The following DNAH10 variants were observed in gnomAD, a reference collection of about 807,000 sequenced individuals.
The protein encoded by DNAH10 is dynein axonemal heavy chain 10.
DNAH10 carries 348 observed loss-of-function variants against 506.6 expected under a neutral mutation model. The ratio of observed to expected loss-of-function variants is 0.69; its 90% CI spans 0.63 to 0.75. The LOEUF (loss-of-function observed/expected upper bound fraction) is 0.75, where lower values mean the gene tolerates loss of function less well. Ranked by LOEUF, DNAH10 falls within the 30% of genes least tolerant of loss-of-function variation. The pLI, the probability that DNAH10 is intolerant of heterozygous loss-of-function variation, is 0.00. For synonymous variants in DNAH10, 2,059 were observed against 2,198.6 expected (o/e 0.94, Z 1.78); for missense variants, 5,179 against 5,787.1 (o/e 0.89, Z 3.41).
Position 123,837,762 on chromosome 12 carries a change from T to A in DNAH10, c.4903-694T>A, listed in dbSNP as rs1046648957. 1.1e-4 allele frequency among the ~76,000 whole-genome samples: 16 copies of A among 150,946 alleles called. No individual in the cohort carries two copies. In the South Asian group the frequency reaches 3.3e-3, roughly 32 times the overall value. On this transcript the variant is annotated intron_variant, in intron 28 of 78. Transcript: ENST00000673944. ...GCTAACTTAAAAAAAAAAAAATTTT[T>A]TTTTTTTTTTTTTAGTAGAGATGGA...
intron 65 of DNAH10, among the ~76,000 whole-genome samples, chr12:123,920,475 A>G (rs1954675796): frequency 6.6e-5 from 10 of 152,230 alleles, no homozygotes; most frequent in Admixed American, 6.5e-4. Flanking sequence ...CTGTGTTCCA[A>G]TAAAACTTTT....
intron 36 of DNAH10, among the ~76,000 whole-genome samples, chr12:123,855,029 CT>C (rs564894480): frequency 3.2e-4 from 48 of 152,340 alleles, no homozygotes; most frequent in African/African-American, 1.2e-3. Context: ...CAGGCTTCAG[CT>C]TGCAACATGA....
chr12:123,839,595 A>G (rs1404408546), intron 29 of DNAH10, among the ~76,000 whole-genome samples: 1 of 151,848 alleles, frequency 6.6e-6, no homozygotes, highest in African/African-American at 2.4e-5. Context: ...TTTTTTTTGT[A>G]AAGTTGTACA....
At chr12:123,782,560 C>T (rs1957705086) in intron 6 of DNAH10, among the ~76,000 whole-genome samples, 5 of 151,630 alleles carry the variant, frequency 3.3e-5, no homozygotes. Flanking sequence ...TATAGGCACA[C>T]ACCACCATGC....
intron 76 of DNAH10, among the ~76,000 whole-genome samples, chr12:123,932,428 C>T (rs1038618930): frequency 6.6e-6 from 1 of 151,688 alleles, no homozygotes; most frequent in Non-Finnish European, 1.5e-5. Context: ...TATCCTTTCT[C>T]CTCCTTCTGT....
chr12:123,824,640 G>A (rs376727448), intron 24 of DNAH10, among the ~76,000 whole-genome samples: 4 of 152,146 alleles, frequency 2.6e-5, no homozygotes, highest in Admixed American at 2.6e-4. Flanking sequence ...CGATCACTCT[G>A]GAGGCTGCAG....
At position 123,762,514 on chromosome 12, in the gene DNAH10, C is replaced by A; in HGVS notation, c.178C>A (p.Arg60Ser). 1 of 1,547,542 alleles carries A rather than the reference C, an allele frequency of 6.5e-7. No individual in the cohort carries two copies. Among genetic ancestry groups the A allele is most frequent in the Non-Finnish European group, 8.7e-7 (1 of 1,146,042 alleles). The change falls in exon 1 of 79, where the codon CGC (arginine) becomes AGC (serine). Residue 60 changes from arginine (R) to serine (S), a missense_variant. By Grantham distance (110) the Arg-to-Ser change is moderately radical (BLOSUM62 -1). This residue lies in a region of DNAH10 where 326 missense variants were observed against 330.8 expected (regional missense o/e 0.99). Transcript: ENST00000673944. This position sits in a 1 kb window ranked among gnomAD's most constrained non-coding sequence, Gnocchi z 5.0. The part of the protein sequence containing the change: ...EEGPSALFIY[R>S]TMVPEEVEVE... ...GGGGCCCTCGGCGCTCTTCATCTAC[C>A]GCACTATGGTGCCGGAGGAGGTGGA...
chr12:123,895,265 TGAATA>T (rs1953168099), intron 54 of DNAH10, among the ~76,000 whole-genome samples: 2 of 152,362 alleles, frequency 1.3e-5, no homozygotes, highest in South Asian at 4.1e-4. Context: ...TTTTAATGTT[TGAATA>T]AGAAAGGAAG....
At chr12:123,845,146 T>C (rs1485087794) in intron 30 of DNAH10, among the ~76,000 whole-genome samples, 1 of 151,930 alleles carries the variant, frequency 6.6e-6, no homozygotes, top group Non-Finnish European at 1.5e-5. Context: ...CAGGCATGCG[T>C]CATTATGCCT....
intron 52 of DNAH10, among the ~76,000 whole-genome samples, chr12:123,892,614 C>T (rs1208117541): frequency 6.6e-6 from 1 of 152,238 alleles, no homozygotes; most frequent in East Asian, 1.9e-4. Context: ...CAGAGGTGAG[C>T]AGCCGTGGCC....
chr12:123,917,659 G>T lies in DNAH10; in HGVS notation c.11078G>T (p.Arg3693Leu). Residue 3693 changes from arginine (R) to leucine (L), a missense_variant, in exon 64 of 79, where the codon CGG becomes CTG. Transcript: ENST00000673944. This position sits in a 1 kb window ranked among gnomAD's most constrained non-coding sequence, Gnocchi z 5.6. ...AYERRELEEQ[R>L]EHLIQETSEN... Reference sequence around the variant, plus strand: ...GAGAGGCGGGAGCTGGAGGAGCAGCGGGAGCACCTCATCCAGGAGACCAGC... The same window carrying T: ...GAGAGGCGGGAGCTGGAGGAGCAGCTGGAGCACCTCATCCAGGAGACCAGC... 1 of 1,551,830 alleles carries T rather than the reference G, an allele frequency of 6.4e-7. No homozygotes were observed. The highest frequency in any genetic ancestry group is 8.7e-7 in the Non-Finnish European group (1 of 1,147,168).
chr12:123,817,495 G>A lies in DNAH10; in HGVS notation c.3781-1455G>A, dbSNP rs1249646187. On this transcript the variant is annotated intron_variant, in intron 21 of 78. Transcript: ENST00000673944. ...CGGTTCCTTAAACAATCCTTTGAGT[G>A]CTTGATTTCAGGTATTGTCATTATC... 2.0e-5 allele frequency among the ~76,000 whole-genome samples: 3 copies of A among 152,098 alleles called. No homozygotes were observed. The East Asian group carries it at 5.8e-4, about 29-fold the overall frequency.
chr12:123,900,743 A>C (rs1037055855), intron 56 of DNAH10, among the ~76,000 whole-genome samples: 1 of 152,210 alleles, frequency 6.6e-6, no homozygotes, highest in South Asian at 2.1e-4. Flanking sequence ...ATTCAAATGT[A>C]TCAGTGGGAA....
At chr12:123,803,992 G>A (rs1037197047) in intron 17 of DNAH10, among the ~76,000 whole-genome samples, 167 bp downstream of exon 17, 11 of 152,062 alleles carry the variant, frequency 7.2e-5, no homozygotes, top group Non-Finnish European at 1.0e-4. Context: ...AAAGAATCAC[G>A]GGTAGCTATT....
chr12:123,932,163 C>T, intron 76 of DNAH10, 55 bp downstream of exon 76: 1 of 1,597,518 alleles, frequency 6.3e-7, no homozygotes. Context: ...GCCTAGACTC[C>T]TCAAACCACC....
chr12:123,781,130 G>A lies in DNAH10; in HGVS notation c.672G>A (p.Val224=), dbSNP rs1957632585. 3 of 1,613,942 alleles carry A rather than the reference G, an allele frequency of 1.9e-6. No homozygotes were observed. The highest frequency in any genetic ancestry group is 2.5e-6 in the Non-Finnish European group (3 of 1,179,936). Residue 224 remains valine, a synonymous_variant, in exon 6 of 79, where the codon GTG becomes GTA. Transcript: ENST00000673944. ...ATCAGCACAGGACGAGTACAACCGT[G>A]GGAGTCACATCTGGAGAAGTCTCTA... ...SFNQHRTSTT[V]GVTSGEVSNS...
At chr12:123,896,746 A>G (rs11057388) in intron 54 of DNAH10, among the ~76,000 whole-genome samples, 47,275 of 150,376 alleles carry the variant, frequency 0.31, 8,652 homozygotes, top group African/African-American at 0.52. Context: ...AAGAAGGATT[A>G]GCACGGATCA....
At chr12:123,814,979 A>G (rs995530828) in intron 21 of DNAH10, among the ~76,000 whole-genome samples, 1 of 152,198 alleles carries the variant, frequency 6.6e-6, no homozygotes, top group Non-Finnish European at 1.5e-5. Context: ...TAATAGAAGA[A>G]TCACTGTAAC....
intron 1 of DNAH10, among the ~76,000 whole-genome samples, chr12:123,763,762 C>T (rs1956917302): frequency 6.6e-6 from 1 of 151,704 alleles, no homozygotes; most frequent in Non-Finnish European, 1.5e-5. Context: ...CAGGTTTCAC[C>T]ATGTTGCCCA....
Sources: allele counts gnomAD v4.1 joint callset (sites outside exome capture counted in the v4.1 genomes callset), GRCh38; gene constraint gnomAD v4.1.1; regional missense constraint gnomAD v4.1.1; non-coding constraint Gnocchi (gnomAD v3.1); transcripts MANE v1.5; gene names NCBI Gene and HGNC (gene_info 2026-07-23, HGNC 2026-07-21).